PDE1A: variants seen among roughly 807,000 people sequenced by gnomAD.
PDE1A encodes phosphodiesterase 1A.
PDE1A carries 35 observed loss-of-function variants against 61.7 expected under a neutral mutation model. That is an observed-to-expected ratio of 0.57 (90% confidence interval 0.43 to 0.75). The LOEUF is 0.75. PDE1A is among the 30% of genes least tolerant of loss of function. The probability of loss-of-function intolerance (pLI) is 0.00; values close to 1 mark genes in which losing one functional copy is unlikely to be tolerated. For missense variants in PDE1A, 597 were observed against 630.6 expected, an observed-to-expected ratio of 0.95 and a Z score of 0.57; for synonymous variants, 232 against 213.2, an observed-to-expected ratio of 1.09 and a Z score of -0.77.
chr2:182,155,408 T>C (rs1165995189), intron 13 of PDE1A, among the ~76,000 whole-genome samples: 3 of 152,172 alleles, frequency 2.0e-5, no homozygotes, highest in African/African-American at 7.2e-5. Context: ...TGGCTCTTTA[T>C]GCAATAACCT....
intron 6 of PDE1A, among the ~76,000 whole-genome samples, chr2:182,226,840 G>T (rs1689181209): frequency 7.2e-6 from 1 of 139,402 alleles, no homozygotes; most frequent in Admixed American, 6.8e-5. Context: ...AGAGCGGGCA[G>T]TCATCAACTT....
intron 6 of PDE1A, among the ~76,000 whole-genome samples, chr2:182,229,241 G>A (rs13399478): frequency 0.045 from 6,803 of 152,008 alleles, 472 homozygotes; most frequent in African/African-American, 0.15. Context: ...AATTCTGGTT[G>A]CCTCCTAGGC....
intron 2 of PDE1A, among the ~76,000 whole-genome samples, chr2:182,481,392 T>C (rs1687693022): frequency 6.6e-6 from 1 of 151,930 alleles, no homozygotes. Flanking sequence ...TAGAGCTCAC[T>C]AGCATACTGA....
At chr2:182,716,758 T>G in the PDE1A span, among the ~76,000 whole-genome samples, 1 of 152,158 alleles carries the variant, frequency 6.6e-6, no homozygotes, top group Non-Finnish European at 1.5e-5. Context: ...TTCCCCCGTG[T>G]CTTCATCTTT....
intron 2 of PDE1A, among the ~76,000 whole-genome samples, chr2:182,472,144 A>G (rs929619255): frequency 1.3e-5 from 2 of 151,894 alleles, no homozygotes; most frequent in Non-Finnish European, 2.9e-5. Flanking sequence ...GGAAAACAGT[A>G]TGGAGATTTC....
At chr2:182,284,657 C>T (rs2438289) in intron 1 of PDE1A, among the ~76,000 whole-genome samples, 151,030 of 152,174 alleles carry the variant, frequency 0.99, 74,955 homozygotes, top group East Asian at 1. Flanking sequence ...CCTAAGTCAA[C>T]AGAAAATATA....
chr2:182,312,501 GTTTAT>G lies in PDE1A; in HGVS notation c.54-48092_54-48088del, dbSNP rs551731384. Among the ~76,000 whole-genome samples the G allele has an allele frequency of 1.2e-3, 181 of 152,188 alleles. 2 individuals carry two copies. Among genetic ancestry groups the G allele is most frequent in the African/African-American group, 3.5e-3 (144 of 41,538 alleles). Reference sequence around the variant, plus strand: ...CATATGATGTGAGATACTCCTAGCAGTTTATTTTATTTCTATACATAGACATCCAA... The same window carrying G: ...CATATGATGTGAGATACTCCTAGCAGTTTATTTCTATACATAGACATCCAA... On this transcript the variant is annotated intron_variant, in intron 1 of 13. Transcript: ENST00000351439.
At chr2:182,214,542 T>C (rs897743054) in intron 7 of PDE1A, among the ~76,000 whole-genome samples, 1 of 151,558 alleles carries the variant, frequency 6.6e-6, no homozygotes. Context: ...GAGACACACA[T>C]AGGCTCAAAA....
intron 1 of PDE1A, among the ~76,000 whole-genome samples, chr2:182,419,713 A>G (rs1325829011): frequency 6.6e-6 from 1 of 152,204 alleles, no homozygotes; most frequent in Admixed American, 6.6e-5. Flanking sequence ...GGCACCAGCT[A>G]GCAGTCTGCA....
At chr2:182,181,625 TCAGAGC>T (rs1044996114) in intron 13 of PDE1A, among the ~76,000 whole-genome samples, 10 of 152,188 alleles carry the variant, frequency 6.6e-5, no homozygotes, top group Non-Finnish European at 1.3e-4. Context: ...GCTGCTCTCT[TCAGAGC>T]CAGCAGACAG....
At chr2:182,449,178 A>G (rs988009142) in intron 2 of PDE1A, among the ~76,000 whole-genome samples, 1 of 151,954 alleles carries the variant, frequency 6.6e-6, no homozygotes, top group East Asian at 1.9e-4. Context: ...ACAAAATGAT[A>G]GCTTATCTAA....
intron 1 of PDE1A, among the ~76,000 whole-genome samples, chr2:182,287,589 A>G (rs959246480): frequency 6.6e-6 from 1 of 152,094 alleles, no homozygotes; most frequent in Non-Finnish European, 1.5e-5. Context: ...TCTGTGCACT[A>G]AGGTGGGAAC....
chr2:182,314,371 TG>T (rs1696192236), intron 1 of PDE1A: 1 of 152,064 alleles, frequency 6.6e-6, no homozygotes, highest in African/African-American at 2.4e-5. Flanking sequence ...GGATGCACTA[TG>T]CCAATAGGGT....
chr2:182,641,836 A>G, the PDE1A span, among the ~76,000 whole-genome samples: 1 of 152,340 alleles, frequency 6.6e-6, no homozygotes, highest in East Asian at 1.9e-4. Context: ...TCCCAGGTAC[A>G]TGAAACAATA....
chr2:182,451,421 T>C (rs112771184), intron 2 of PDE1A, among the ~76,000 whole-genome samples: 7 of 150,768 alleles, frequency 4.6e-5, no homozygotes, highest in African/African-American at 1.7e-4. Context: ...TACAAATGCA[T>C]AAAGTATTAG....
intron 2 of PDE1A, among the ~76,000 whole-genome samples, chr2:182,472,514 A>T (rs1469045642): frequency 6.6e-6 from 1 of 151,958 alleles, no homozygotes; most frequent in Non-Finnish European, 1.5e-5. Context: ...ATGTGTACAC[A>T]TTGAAGCAGT....
At chr2:182,526,940 CTTT>C (rs767770230), upstream of PDE1A, among the ~76,000 whole-genome samples, 6 of 151,224 alleles carry the variant, frequency 4.0e-5, no homozygotes, top group African/African-American at 1.5e-4. Flanking sequence ...TCATTAGTTA[CTTT>C]TTTTTCTTTT....
chr2:182,206,304 A>G (rs1687097152), intron 7 of PDE1A, among the ~76,000 whole-genome samples: 1 of 152,200 alleles, frequency 6.6e-6, no homozygotes, highest in African/African-American at 2.4e-5. Context: ...AAAATTTCCC[A>G]TGTACTTTCT....
chr2:182,632,459 A>AT, the PDE1A span, among the ~76,000 whole-genome samples: 42 of 149,048 alleles, frequency 2.8e-4, no homozygotes, highest in African/African-American at 6.4e-4. Context: ...ACTACTTCTC[A>AT]TTTTTTTTTT....
Sources: allele counts gnomAD v4.1 joint callset (sites outside exome capture counted in the v4.1 genomes callset), GRCh38; gene constraint gnomAD v4.1.1; transcripts MANE v1.5; gene names NCBI Gene and HGNC (gene_info 2026-07-23, HGNC 2026-07-21).